Variants in PSD3 observed in about 807,000 individuals in gnomAD.
PSD3 encodes the protein PH and SEC7 domain-containing protein 3.
Under a neutral mutation model 105.5 loss-of-function variants are expected in PSD3, and 49 were observed. That is an observed-to-expected ratio of 0.46 (90% CI 0.37 to 0.59). The LOEUF (loss-of-function observed/expected upper bound fraction) is 0.59. Ranked by LOEUF, PSD3 falls within the 20% of genes least tolerant of loss-of-function variation. The pLI is 0.00. For missense variants in PSD3, 1,561 were observed against 1,263.8 expected (o/e 1.24, Z -3.57); for synonymous variants, 557 against 457.8 (o/e 1.22, Z -2.77).
chr8:18,801,447 TAA>T lies in PSD3; in HGVS notation c.1911-67_1911-66del, dbSNP rs1395658366. On this transcript the variant is annotated intron_variant, in intron 6 of 15. Transcript: ENST00000327040. ...AAATGCTATCACACTCTTTCATAGT[TAA>T]AAGTCAATTTATATAAACCTAAGAT... The T allele has an allele frequency of 2.8e-5, 24 of 844,562 alleles. No individual in the cohort carries two copies. In the African/African-American group the frequency reaches 3.1e-4, roughly 11 times the overall value. The allele number at this position is 844,562 out of a possible 1,614,324, so 52.3% of individuals were successfully genotyped here. A position where few individuals can be genotyped will look rare whatever the true frequency, so the allele number is the denominator to read the frequency against.
chr8:19,073,118 C>T (rs1254564786), intron 1 of PSD3, among the ~76,000 whole-genome samples: 1 of 145,602 alleles, frequency 6.9e-6, no homozygotes, highest in Non-Finnish European at 1.5e-5. Flanking sequence ...TGTTCTTTTT[C>T]TTGCCTCTTA....
chr8:19,072,683 T>C (rs559808328), intron 1 of PSD3, among the ~76,000 whole-genome samples: 3 of 152,202 alleles, frequency 2.0e-5, no homozygotes, highest in East Asian at 1.9e-4. Flanking sequence ...CCTGAAAGCA[T>C]GCAGCCTAGG....
chr8:18,628,213 A>G (rs923176650), intron 11 of PSD3, among the ~76,000 whole-genome samples: 2 of 151,848 alleles, frequency 1.3e-5, no homozygotes, highest in Non-Finnish European at 2.9e-5. Context: ...AAAAACATGA[A>G]CCTATGAATC....
intron 10 of PSD3, among the ~76,000 whole-genome samples, chr8:18,647,072 G>A (rs902002861): frequency 6.6e-6 from 1 of 152,180 alleles, no homozygotes; most frequent in South Asian, 2.1e-4. Flanking sequence ...TTCATGGGCA[G>A]TGTTAAACAT....
At chr8:19,036,897 A>C (rs1353249323) in intron 1 of PSD3, among the ~76,000 whole-genome samples, 2 of 152,132 alleles carry the variant, frequency 1.3e-5, no homozygotes, top group Non-Finnish European at 2.9e-5. Flanking sequence ...GATGAATTTG[A>C]CTTCAACATT....
rs188319643 is a variant in PSD3, at chr8:18,535,388, T to C, written c.*355A>G. 47 of 225,980 alleles carry C rather than the reference T, an allele frequency of 2.1e-4. No individual in the cohort carries two copies. Among genetic ancestry groups the C allele is most frequent in the Admixed American group, 7.7e-4 (15 of 19,466 alleles). 14.0% of individuals were successfully genotyped at this position (225,980 alleles called of 1,614,324 possible). On this transcript the variant is annotated 3_prime_UTR_variant, in exon 16 of 16. Transcript: ENST00000327040. ...AGTGTTTCACAATGGATTAAATTCT[T>C]TAACCTTAAAAAAAAGTTTAACAGT...
At position 18,768,116 on chromosome 8, in the gene PSD3, C is replaced by CAAAAAAAAAAAAA. The variant is rs774203727; in HGVS notation, c.2083-2591_2083-2579dup. Among the ~76,000 whole-genome samples the CAAAAAAAAAAAAA allele has an allele frequency of 1.1e-4, 11 of 97,322 alleles. 1 individual carries two copies. Among genetic ancestry groups the CAAAAAAAAAAAAA allele is most frequent in the Non-Finnish European group, 1.9e-4 (10 of 52,920 alleles). 63.8% of individuals were successfully genotyped at this position (97,322 alleles called of 152,430 possible). On this transcript the variant is annotated intron_variant, in intron 8 of 15. Coordinates refer to ENST00000327040, the MANE Select transcript of PSD3 (RefSeq NM_015310.4). ...TAGAATCCTGTCTCTACTGAAAATACAAAAAAAAAAAAAAAAAAAAATAGC... is the reference window on the plus strand; with the variant it reads ...TAGAATCCTGTCTCTACTGAAAATACAAAAAAAAAAAAAAAAAAAAAAAAAAAAAAAAAATAGC...
At chr8:18,678,122 A>G (rs1003733735) in intron 9 of PSD3, among the ~76,000 whole-genome samples, 2 of 152,222 alleles carry the variant, frequency 1.3e-5, no homozygotes, top group Admixed American at 1.3e-4. Context: ...GAGAGCCAAG[A>G]AAAGAAAAAT....
At chr8:19,003,585 T>G (rs1265877895) in intron 1 of PSD3, among the ~76,000 whole-genome samples, 1 of 151,938 alleles carries the variant, frequency 6.6e-6, no homozygotes, top group East Asian at 1.9e-4. Flanking sequence ...ATGGGAGGCC[T>G]CCAGAGATTC....
At chr8:18,818,963 G>C (rs987080856) in intron 4 of PSD3, among the ~76,000 whole-genome samples, 1 of 152,112 alleles carries the variant, frequency 6.6e-6, no homozygotes, top group East Asian at 1.9e-4. Context: ...ATGTCTGCCT[G>C]TTACATCAGA....
chr8:19,030,389 G>A (rs575529838), intron 1 of PSD3, among the ~76,000 whole-genome samples: 8 of 152,220 alleles, frequency 5.3e-5, no homozygotes, highest in East Asian at 1.9e-4. Flanking sequence ...CCCAAATCTC[G>A]TGTTGAATTG....
chr8:18,740,495 C>T (rs1276498335), intron 9 of PSD3, among the ~76,000 whole-genome samples: 1 of 152,130 alleles, frequency 6.6e-6, no homozygotes, highest in African/African-American at 2.4e-5. Context: ...TTTTAGCAGT[C>T]ACATTATTGC....
rs557666312 is a variant in PSD3 at position 18,905,258 on chromosome 8, T to A, written c.130+30776A>T. On this transcript the variant is annotated intron_variant, in intron 2 of 15. Coordinates refer to ENST00000327040, the MANE Select transcript of PSD3 (RefSeq NM_015310.4). Reference sequence around the variant, plus strand: ...CCCCTCTCTAATTTTGTCCTACTCATCTTTCATAACCTGAGCTCTCAATGA... The same window carrying A: ...CCCCTCTCTAATTTTGTCCTACTCAACTTTCATAACCTGAGCTCTCAATGA... Among the ~76,000 whole-genome samples, 80 of 152,306 alleles carry A rather than the reference T, an allele frequency of 5.3e-4. 1 individual carries two copies. The South Asian group carries it at 0.016, about 30-fold the overall frequency.
intron 2 of PSD3, among the ~76,000 whole-genome samples, chr8:18,881,689 A>G (rs536257696): frequency 6.6e-6 from 1 of 152,122 alleles, no homozygotes; most frequent in Admixed American, 6.5e-5. Context: ...ACACACATAT[A>G]TTTTCTAGAA....
chr8:18,678,586 C>T (rs10108754), intron 9 of PSD3, among the ~76,000 whole-genome samples: 2,272 of 152,298 alleles, frequency 0.015, 56 homozygotes, highest in African/African-American at 0.052. Flanking sequence ...CCTAAGTGGG[C>T]GGATCGCCTG....
chr8:18,653,413 C>T lies in PSD3; in HGVS notation c.2216+2229G>A, dbSNP rs550634471. Among the ~76,000 whole-genome samples the T allele has an allele frequency of 2.0e-4, 30 of 151,846 alleles. No homozygotes were observed. The East Asian group carries it at 4.5e-3, about 23-fold the overall frequency. ...GAGCTTTGAAAGCTACAGCATCAGG[C>T]ATCAATTGAAGAGCAACTTGCTTTA... On this transcript the variant is annotated intron_variant, in intron 10 of 15. Transcript: ENST00000327040.
At position 18,657,218 on chromosome 8, in the gene PSD3, C is replaced by G. The variant is rs568152935; in HGVS notation, c.2173-1533G>C. Among the ~76,000 whole-genome samples the G allele has an allele frequency of 1.5e-4, 23 of 152,272 alleles. 1 individual carries two copies. The highest frequency in any genetic ancestry group is 1.5e-3 in the Admixed American group (23 of 15,298). On this transcript the variant is annotated intron_variant, in intron 9 of 15. Transcript: ENST00000327040. ...TCTATCCTTTCGCCCTTAACATTGT[C>G]TCATTCAAGTGTTTACATGTGTGTA...
chr8:18,725,355 C>T (rs557135338), intron 9 of PSD3, among the ~76,000 whole-genome samples: 2 of 152,188 alleles, frequency 1.3e-5, no homozygotes, highest in Non-Finnish European at 2.9e-5. Flanking sequence ...AGGATCAGAT[C>T]TTCAAAGAAC....
chr8:18,834,464 G>C (rs966710453), intron 4 of PSD3, among the ~76,000 whole-genome samples: 19 of 152,200 alleles, frequency 1.2e-4, no homozygotes. Context: ...GTCAGGGCTA[G>C]AGAAGTCAAT....
Sources: gnomAD v4.1 joint callset for allele counts (sites outside exome capture counted in the v4.1 genomes callset) on GRCh38, gnomAD v4.1.1 for gene constraint, MANE v1.5 for transcripts, NCBI Gene and HGNC (gene_info 2026-07-23, HGNC 2026-07-21) for gene names.